Variants in MYMK observed in about 807,000 individuals in gnomAD.
The protein encoded by MYMK is protein myomaker.
A neutral mutation model predicts 22.4 loss-of-function variants in MYMK; 16 were observed. The observed-to-expected ratio is 0.72, with a 90% CI of 0.48 to 1.09. MYMK has a LOEUF of 1.09. MYMK is among the 50% of genes least tolerant of loss of function. MYMK has a pLI of 0.00. For synonymous variants in MYMK, 125 were observed against 127.0 expected, an observed-to-expected ratio of 0.98 and a Z score of 0.11; for missense variants, 250 against 295.6, an observed-to-expected ratio of 0.85 and a Z score of 1.13.
chr9:133,515,880 C>T lies in MYMK; in HGVS notation c.400-273G>A, dbSNP rs116944058. 4.8e-3 allele frequency among the ~76,000 whole-genome samples: 731 copies of T among 152,328 alleles called. 3 individuals are homozygous for T. The highest frequency in any genetic ancestry group is 0.044 in the Middle Eastern group (13 of 294). ...CACAAAGACCCCGCTGCCCTCCCGC[C>T]TCTTTGAGATGTAACAACGCCACCC... On this transcript the variant is annotated intron_variant, in intron 3 of 4. Transcript: ENST00000339996. The surrounding 1 kb of genome is among the most constrained non-coding windows in gnomAD (Gnocchi z 5.8).
At chr9:133,516,667 C>A (rs998058709) in intron 3 of MYMK, among the ~76,000 whole-genome samples, 6 of 152,216 alleles carry the variant, frequency 3.9e-5, no homozygotes, top group Admixed American at 2.6e-4. Context: ...CACCTGCAGT[C>A]CTGCAGTGGC....
intron 1 of MYMK, among the ~76,000 whole-genome samples, chr9:133,523,366 A>G (rs113762899): frequency 0.027 from 4,048 of 152,206 alleles, 201 homozygotes; most frequent in African/African-American, 0.092. Flanking sequence ...TGGAGTTTTC[A>G]CAGGTTGGGC....
chr9:133,518,027 G>A lies in MYMK; in HGVS notation c.399+847C>T, dbSNP rs79943325. On this transcript the variant is annotated intron_variant, in intron 3 of 4. Transcript: ENST00000339996. ...CTCCAAAGAGGTGAAATGCAGCACA[G>A]GGATGTTCAGGCGGTGCCTGGGCTG... Among the ~76,000 whole-genome samples the A allele has an allele frequency of 3.7e-3, 569 of 152,356 alleles. 4 individuals are homozygous for A. Among genetic ancestry groups the A allele is most frequent in the African/African-American group, 0.013 (558 of 41,582 alleles).
At chr9:133,520,831 G>A (rs1308059688) in intron 1 of MYMK, among the ~76,000 whole-genome samples, 7 of 152,168 alleles carry the variant, frequency 4.6e-5, no homozygotes, top group African/African-American at 7.2e-5. Context: ...CTGCAGCAGC[G>A]TTCTCAGGCT....
rs1332980470 is a variant in MYMK at position 133,515,639 on chromosome 9, T to A, written c.400-32A>T. 1 of 1,482,930 alleles carries A rather than the reference T, an allele frequency of 6.7e-7. No homozygotes were observed. Among genetic ancestry groups the A allele is most frequent in the Non-Finnish European group, 9.4e-7 (1 of 1,061,038 alleles). The allele number at this position is 1,482,930 out of a possible 1,614,324, so 91.9% of individuals were successfully genotyped here. A position where few individuals can be genotyped will look rare whatever the true frequency, so the allele number is the denominator to read the frequency against. On this transcript the variant is annotated intron_variant, in intron 3 of 4. Coordinates refer to ENST00000339996, the MANE Select transcript of MYMK (RefSeq NM_001080483.3). The surrounding 1 kb of genome is among the most constrained non-coding windows in gnomAD (Gnocchi z 5.8). ...GGACAGGAGGCCACAGCAAAGCTTT[T>A]AGGTCACAGCACTGGGGAACGCCCC...
intron 3 of MYMK, among the ~76,000 whole-genome samples, chr9:133,517,067 G>A (rs1196837823): frequency 2.0e-5 from 3 of 152,162 alleles, no homozygotes; most frequent in Admixed American, 1.3e-4. Context: ...TGGCAGTCTC[G>A]TGGCTCTTGG....
intron 1 of MYMK, among the ~76,000 whole-genome samples, chr9:133,521,652 T>A (rs772261709): frequency 6.6e-6 from 1 of 152,104 alleles, no homozygotes; most frequent in Non-Finnish European, 1.5e-5. Flanking sequence ...AAGACGCGGC[T>A]AGAGGAGGGT....
Position 133,515,397 on chromosome 9 carries a change from C to A in MYMK, c.516+94G>T. ...ACTTTGGCCTGGGGCTGTCAGAGTC[C>A]CCCCAGCGTGGGCACAGCCCTGGTA... On this transcript the variant is annotated intron_variant, in intron 4 of 4. Coordinates refer to ENST00000339996, the MANE Select transcript of MYMK (RefSeq NM_001080483.3). The surrounding 1 kb of genome is among the most constrained non-coding windows in gnomAD (Gnocchi z 5.8). 1.2e-6 allele frequency: 1 copy of A among 855,018 alleles called. No homozygotes were observed. Among genetic ancestry groups the A allele is most frequent in the East Asian group, 2.5e-5 (1 of 40,778 alleles). The allele number at this position is 855,018 out of a possible 1,614,324, so 53.0% of individuals were successfully genotyped here. A position where few individuals can be genotyped will look rare whatever the true frequency, so the allele number is the denominator to read the frequency against.
chr9:133,514,876 G>A (rs1055787241), intron 4 of MYMK, 91 bp from the exon 5 acceptor site: 56 of 1,420,460 alleles, frequency 3.9e-5, no homozygotes, highest in Admixed American at 9.3e-5. Context: ...TCAGGCCCCC[G>A]CCTCTGCCAG....
At chr9:133,518,512 T>C (rs575418765) in intron 3 of MYMK, among the ~76,000 whole-genome samples, 51 of 152,316 alleles carry the variant, frequency 3.3e-4, no homozygotes, top group African/African-American at 1.2e-3. Flanking sequence ...GCGGAGCACA[T>C]TGGAAGCCAG....
chr9:133,520,363 C>T, intron 1 of MYMK, 75 bp from the exon 2 acceptor site: 1 of 1,173,092 alleles, frequency 8.5e-7, no homozygotes, highest in Non-Finnish European at 1.3e-6. Context: ...CCCAGAGTGC[C>T]AGGTCACTTG....
chr9:133,518,470 G>A lies in MYMK; in HGVS notation c.399+404C>T, dbSNP rs1443401961. On this transcript the variant is annotated intron_variant, in intron 3 of 4. Transcript: ENST00000339996. The stretch of plus-strand genomic sequence containing the variant: ...TCTAAAGCAGCTGGTAGTAAGAGCG[G>A]TGATGAGAGTGATAACAAATAGCTC... Among the ~76,000 whole-genome samples the A allele has an allele frequency of 2.6e-5, 4 of 152,270 alleles. No homozygotes were observed. The East Asian group carries it at 7.7e-4, about 29-fold the overall frequency.
intron 3 of MYMK, among the ~76,000 whole-genome samples, chr9:133,517,715 A>G (rs1385642487): frequency 6.6e-6 from 1 of 150,634 alleles, no homozygotes; most frequent in Non-Finnish European, 1.5e-5. Context: ...CTGCCCTGCC[A>G]TGACGTCCTG....
At position 133,515,521 on chromosome 9, in the gene MYMK, C is replaced by G. The variant is rs149445183; in HGVS notation, c.486G>C (p.Ala162=). The change falls in exon 4 of 5, where the codon GCG becomes GCC. Residue 162 remains alanine, a synonymous_variant. Transcript: ENST00000339996. The surrounding 1 kb of genome is among the most constrained non-coding windows in gnomAD (Gnocchi z 5.8). Reference sequence around the variant, plus strand: ...AGAAGAAGCGTAGCATCAGGGCCAGCGCCCCGAAGCAGAGGCCGGGGCCTA... The same window carrying G: ...AGAAGAAGCGTAGCATCAGGGCCAGGGCCCCGAAGCAGAGGCCGGGGCCTA... ...QQIGPGLCFG[A]LALMLRFFFE... The G allele has an allele frequency of 2.7e-4, 432 of 1,612,948 alleles. 1 individual carries two copies. Among genetic ancestry groups the G allele is most frequent in the South Asian group, 2.0e-3 (181 of 91,056 alleles).
intron 3 of MYMK, among the ~76,000 whole-genome samples, chr9:133,517,620 G>C (rs1263583825): frequency 1.3e-5 from 2 of 150,912 alleles, no homozygotes; most frequent in African/African-American, 4.9e-5. Context: ...GAGCCAAGAT[G>C]GCGCCATTGC....
rs756316194 is a variant in MYMK at position 133,515,448 on chromosome 9, G to A, written c.516+43C>T. The A allele has an allele frequency of 6.7e-6, 9 of 1,350,108 alleles. No homozygotes were observed. In the South Asian group the frequency reaches 1.1e-4, roughly 16 times the overall value. 83.6% of individuals were successfully genotyped at this position (1,350,108 alleles called of 1,614,324 possible). On this transcript the variant is annotated intron_variant, in intron 4 of 4. Coordinates refer to ENST00000339996, the MANE Select transcript of MYMK (RefSeq NM_001080483.3). The surrounding 1 kb of genome is among the most constrained non-coding windows in gnomAD (Gnocchi z 5.8). ...TCCCAGCTGAGCAGAGCCATGCCGAGTGGGCTCTGGGGCACAGGACACCTC... is the reference window on the plus strand; with the variant it reads ...TCCCAGCTGAGCAGAGCCATGCCGAATGGGCTCTGGGGCACAGGACACCTC...
intron 1 of MYMK, among the ~76,000 whole-genome samples, chr9:133,523,563 G>A (rs913134242): frequency 4.6e-5 from 7 of 152,072 alleles, no homozygotes; most frequent in Non-Finnish European, 1.0e-4. Flanking sequence ...GGAGAAAGTC[G>A]GAAAGACCCA....
At chr9:133,516,820 C>T (rs1323965852) in intron 3 of MYMK, among the ~76,000 whole-genome samples, 5 of 152,148 alleles carry the variant, frequency 3.3e-5, no homozygotes, top group Non-Finnish European at 5.9e-5. Flanking sequence ...ATTGAAAGGG[C>T]GCCATCACCC....
intron 1 of MYMK, among the ~76,000 whole-genome samples, 177 bp from the exon 2 acceptor site, chr9:133,520,465 G>T (rs559008199): frequency 6.6e-6 from 1 of 152,212 alleles, no homozygotes; most frequent in Non-Finnish European, 1.5e-5. Flanking sequence ...GAGCACTCCC[G>T]CAGAGGGTCC....
Sources: gnomAD v4.1 joint callset for allele counts (sites outside exome capture counted in the v4.1 genomes callset) on GRCh38, gnomAD v4.1.1 for gene constraint, Gnocchi (gnomAD v3.1) non-coding constraint, MANE v1.5 for transcripts, NCBI Gene and HGNC (gene_info 2026-07-23, HGNC 2026-07-21) for gene names.